Variants in DCC observed in about 807,000 individuals in gnomAD.
DCC encodes the protein DCC netrin 1 receptor.
DCC carries 58 observed loss-of-function variants against 172.5 expected under a neutral mutation model. The ratio of observed to expected loss-of-function variants is 0.34; its 90% CI spans 0.27 to 0.42. DCC has a LOEUF of 0.42. Among genes scored for constraint, DCC ranks in the 10% least tolerant of loss-of-function variants. The pLI is 1.00. For missense variants in DCC, 1,740 were observed against 1,791.0 expected, an observed-to-expected ratio of 0.97 and a Z score of 0.51; for synonymous variants, 709 against 644.5, an observed-to-expected ratio of 1.10 and a Z score of -1.52.
intron 19 of DCC, among the ~76,000 whole-genome samples, chr18:53,409,203 G>A (rs941673651): frequency 3.3e-5 from 5 of 152,126 alleles, no homozygotes; most frequent in Non-Finnish European, 4.4e-5. Context: ...TTCCTGTAGC[G>A]AAGGTTTGTG....
intron 1 of DCC, among the ~76,000 whole-genome samples, chr18:52,682,855 C>G (rs1242890825): frequency 6.6e-6 from 1 of 151,986 alleles, no homozygotes; most frequent in African/African-American, 2.4e-5. Flanking sequence ...AGGGTTTTAG[C>G]CTTTCTTCCT....
Position 53,499,283 on chromosome 18 carries a change from T to G in DCC, c.3899-15T>G, listed in dbSNP as rs2046066013. 1.9e-6 allele frequency: 3 copies of G among 1,613,624 alleles called. No homozygotes were observed. In the Admixed American group the frequency reaches 5.0e-5, roughly 27 times the overall value. ...GTCCAGGAATAATGAATGACTTTTC[T>G]TGTCTCCACTGCAGCAGTGAGTGAA... is the stretch of plus-strand genomic sequence containing the variant. On this transcript the variant is annotated splice_polypyrimidine_tract_variant and intron_variant, in intron 26 of 28. Coordinates refer to ENST00000442544, the MANE Select transcript of DCC (RefSeq NM_005215.4).
chr18:53,293,105 A>G (rs948067232), intron 12 of DCC, among the ~76,000 whole-genome samples: 2 of 152,250 alleles, frequency 1.3e-5, no homozygotes, highest in African/African-American at 4.8e-5. Flanking sequence ...AGGGAGAGAT[A>G]ATGTTGTAAT....
chr18:53,021,376 A>G (rs2041879464), intron 5 of DCC, among the ~76,000 whole-genome samples: 1 of 152,196 alleles, frequency 6.6e-6, no homozygotes. Context: ...ACTTGAGCAG[A>G]GAGTATCACA....
At chr18:53,014,696 T>C (rs1256018018) in intron 5 of DCC, among the ~76,000 whole-genome samples, 1 of 152,042 alleles carries the variant, frequency 6.6e-6, no homozygotes, top group Non-Finnish European at 1.5e-5. Context: ...AAGGCACCTA[T>C]GAGAAGGCTC....
intron 7 of DCC, among the ~76,000 whole-genome samples, chr18:53,071,524 C>G (rs895131075): frequency 2.6e-5 from 4 of 152,268 alleles, no homozygotes; most frequent in South Asian, 2.1e-4. Flanking sequence ...CTGTCTCTCT[C>G]TATAGAACAC....
chr18:53,271,308 T>C (rs185799279), intron 12 of DCC, among the ~76,000 whole-genome samples: 1 of 152,296 alleles, frequency 6.6e-6, no homozygotes, highest in Non-Finnish European at 1.5e-5. Context: ...CAATATGTAA[T>C]ACTTATCTAT....
At chr18:53,238,026 C>G (rs2056230948) in intron 12 of DCC, among the ~76,000 whole-genome samples, 1 of 152,128 alleles carries the variant, frequency 6.6e-6, no homozygotes, top group African/African-American at 2.4e-5. Flanking sequence ...CTAAAAGAAT[C>G]TCATGGAGCA....
intron 22 of DCC, among the ~76,000 whole-genome samples, chr18:53,444,659 A>G (rs1173534435): frequency 2.0e-5 from 3 of 152,218 alleles, no homozygotes; most frequent in Non-Finnish European, 4.4e-5. Context: ...TTTTTTAGAA[A>G]TGAAGTATTT....
At chr18:52,643,638 T>G (rs2034955116) in intron 1 of DCC, among the ~76,000 whole-genome samples, 1 of 152,212 alleles carries the variant, frequency 6.6e-6, no homozygotes, top group Admixed American at 6.5e-5. Context: ...AAAATAGGAT[T>G]GAAAGGACCA....
chr18:52,985,405 T>C (rs1457312181), intron 5 of DCC, among the ~76,000 whole-genome samples: 1 of 152,170 alleles, frequency 6.6e-6, no homozygotes, highest in Non-Finnish European at 1.5e-5. Context: ...TATTGTCCTA[T>C]AGCATTCAAT....
chr18:53,190,014 C>T (rs1323350333), intron 9 of DCC, among the ~76,000 whole-genome samples: 2 of 152,202 alleles, frequency 1.3e-5, no homozygotes, highest in African/African-American at 4.8e-5. Context: ...GTAACCTCCA[C>T]CTCCCAGGTT....
intron 1 of DCC, among the ~76,000 whole-genome samples, chr18:52,608,535 G>C (rs1267367646): frequency 1.3e-5 from 2 of 152,192 alleles, no homozygotes; most frequent in African/African-American, 2.4e-5. Context: ...TATGGTGTGA[G>C]TAAAGATATA....
chr18:52,883,444 T>TTTTAA (rs200810360), intron 2 of DCC, among the ~76,000 whole-genome samples: 2,462 of 151,386 alleles, frequency 0.016, 54 homozygotes, highest in African/African-American at 0.043. Context: ...TAGTGATATA[T>TTTTAA]TTTCTTTCTT....
At chr18:52,794,427 G>A (rs911809731) in intron 2 of DCC, among the ~76,000 whole-genome samples, 2 of 151,882 alleles carry the variant, frequency 1.3e-5, no homozygotes, top group African/African-American at 2.4e-5. Flanking sequence ...ATGAGATCAC[G>A]TCCTTCATTT....
At chr18:52,996,985 C>A (rs1444034588) in intron 5 of DCC, among the ~76,000 whole-genome samples, 1 of 152,056 alleles carries the variant, frequency 6.6e-6, no homozygotes, top group East Asian at 1.9e-4. Flanking sequence ...TGATACAAGT[C>A]TCAGACTCCA....
chr18:53,400,691 T>C (rs1246136856), intron 18 of DCC, among the ~76,000 whole-genome samples: 1 of 152,158 alleles, frequency 6.6e-6, no homozygotes. Flanking sequence ...TCACCAATAT[T>C]CACATGACTT....
chr18:53,032,566 A>G (rs929752940), intron 5 of DCC, among the ~76,000 whole-genome samples: 2 of 152,192 alleles, frequency 1.3e-5, no homozygotes, highest in African/African-American at 2.4e-5. Flanking sequence ...TATGCATTGT[A>G]TCTGTGGATT....
chr18:52,538,903 A>G (rs970542225), intron 1 of DCC, among the ~76,000 whole-genome samples: 6 of 152,364 alleles, frequency 3.9e-5, no homozygotes, highest in Admixed American at 3.9e-4. Context: ...AAATGAATAA[A>G]TAAATGAATG....
Sources: gnomAD v4.1 joint callset for allele counts (sites outside exome capture counted in the v4.1 genomes callset) on GRCh38, gnomAD v4.1.1 for gene constraint, MANE v1.5 for transcripts, NCBI Gene and HGNC (gene_info 2026-07-23, HGNC 2026-07-21) for gene names.